LOC128462377: variants seen among roughly 807,000 people sequenced by gnomAD.
the LOC128462377 span, chr16:89,403,783 A>G: frequency 6.6e-6 from 1 of 152,154 alleles, no homozygotes; most frequent in East Asian, 1.9e-4. Context: ...AAATAAAAAA[A>G]TTAGGCGGGT....
chr16:89,328,513 G>A, the LOC128462377 span, among the ~76,000 whole-genome samples: 1 of 152,244 alleles, frequency 6.6e-6, no homozygotes, highest in East Asian at 1.9e-4. Context: ...CAGTAAAAGG[G>A]ATGGCTATGG....
At chr16:89,319,428 G>T in the LOC128462377 span, among the ~76,000 whole-genome samples, 1 of 152,210 alleles carries the variant, frequency 6.6e-6, no homozygotes, top group Non-Finnish European at 1.5e-5. Context: ...GCATCACAGC[G>T]AACACTCCGG....
At chr16:89,322,808 C>G in the LOC128462377 span, among the ~76,000 whole-genome samples, 1 of 152,234 alleles carries the variant, frequency 6.6e-6, no homozygotes, top group Non-Finnish European at 1.5e-5. Flanking sequence ...CAGCACACGG[C>G]CATGCTCCAG....
At chr16:89,355,126 C>G in the LOC128462377 span, among the ~76,000 whole-genome samples, 1 of 152,212 alleles carries the variant, frequency 6.6e-6, no homozygotes, top group African/African-American at 2.4e-5. Context: ...CCTGTGGTCT[C>G]CCGTCTGGCC....
At chr16:89,398,857 G>C in the LOC128462377 span, among the ~76,000 whole-genome samples, 1 of 152,150 alleles carries the variant, frequency 6.6e-6, no homozygotes, top group Admixed American at 6.5e-5. Flanking sequence ...TCTGGCCCAG[G>C]AGTACAGATG....
the LOC128462377 span, among the ~76,000 whole-genome samples, chr16:89,337,203 A>C: frequency 6.6e-6 from 1 of 151,504 alleles, no homozygotes; most frequent in Non-Finnish European, 1.5e-5. Flanking sequence ...AAAAAACAAA[A>C]AACTGCAAAT....
chr16:89,409,663 C>G, the LOC128462377 span, among the ~76,000 whole-genome samples: 2 of 152,180 alleles, frequency 1.3e-5, no homozygotes, highest in Non-Finnish European at 2.9e-5. Flanking sequence ...AACACACACA[C>G]ACACGAAAAC....
the LOC128462377 span, among the ~76,000 whole-genome samples, chr16:89,386,036 T>A: frequency 6.6e-6 from 1 of 152,236 alleles, no homozygotes; most frequent in Non-Finnish European, 1.5e-5. Context: ...TGCGCCGCCA[T>A]GCCCGCAAAC....
chr16:89,386,689 A>G, the LOC128462377 span, among the ~76,000 whole-genome samples: 2 of 152,238 alleles, frequency 1.3e-5, no homozygotes, highest in Admixed American at 1.3e-4. Context: ...CTAGGTGGAA[A>G]AGCAGACACG....
the LOC128462377 span, among the ~76,000 whole-genome samples, chr16:89,382,485 C>T: frequency 6.6e-6 from 1 of 151,182 alleles, no homozygotes; most frequent in African/African-American, 2.4e-5. Flanking sequence ...GCCACCAAGC[C>T]TGGCTAATTT....
the LOC128462377 span, chr16:89,403,479 G>C: frequency 6.6e-6 from 1 of 152,076 alleles, no homozygotes; most frequent in South Asian, 2.1e-4. Flanking sequence ...CTCTGGGAGG[G>C]CACCCCCAGG....
At chr16:89,391,392 G>A in the LOC128462377 span, among the ~76,000 whole-genome samples, 1 of 152,158 alleles carries the variant, frequency 6.6e-6, no homozygotes, top group Non-Finnish European at 1.5e-5. Context: ...TGGACCCCGT[G>A]CCGTCTCCAG....
the LOC128462377 span, among the ~76,000 whole-genome samples, chr16:89,361,283 A>G: frequency 6.6e-6 from 1 of 152,320 alleles, no homozygotes; most frequent in Middle Eastern, 3.4e-3. Context: ...GGGGTGACAC[A>G]GGCCTTCCTT....
At chr16:89,378,863 T>TTAA in the LOC128462377 span, among the ~76,000 whole-genome samples, 5 of 137,636 alleles carry the variant, frequency 3.6e-5, no homozygotes, top group African/African-American at 1.4e-4. Flanking sequence ...GGTTGATGGG[T>TTAA]GGGGCGAGGT....
the LOC128462377 span, among the ~76,000 whole-genome samples, chr16:89,332,263 G>A: frequency 6.6e-6 from 1 of 152,102 alleles, no homozygotes. Context: ...CACTGAAACA[G>A]ACAAAAAACT....
chr16:89,318,568 G>T, the LOC128462377 span, among the ~76,000 whole-genome samples: 1 of 151,974 alleles, frequency 6.6e-6, no homozygotes, highest in Non-Finnish European at 1.5e-5. Flanking sequence ...AGACCCATCT[G>T]TGAGTGGCAG....
At chr16:89,349,214 A>C in the LOC128462377 span, among the ~76,000 whole-genome samples, 1 of 151,638 alleles carries the variant, frequency 6.6e-6, no homozygotes, top group Non-Finnish European at 1.5e-5. Context: ...AGAATCGATA[A>C]ATAGAATGAT....
At chr16:89,414,247 C>A in the LOC128462377 span, among the ~76,000 whole-genome samples, 1 of 152,198 alleles carries the variant, frequency 6.6e-6, no homozygotes, top group Non-Finnish European at 1.5e-5. Context: ...AACAACACTG[C>A]CTTTGTTATC....
At chr16:89,360,737 T>C in the LOC128462377 span, 1 of 152,274 alleles carries the variant, frequency 6.6e-6, no homozygotes, top group Non-Finnish European at 1.5e-5. Flanking sequence ...TGTGTGTCTG[T>C]CATGTGGCTA....
Sources: allele counts gnomAD v4.1 joint callset (sites outside exome capture counted in the v4.1 genomes callset), GRCh38; gene constraint gnomAD v4.1.1; transcripts MANE v1.5.